The following ATAD5 variants were observed in gnomAD, a reference collection of about 807,000 sequenced individuals.
ATAD5 encodes ATPase family AAA domain-containing protein 5.
Under a neutral mutation model 176.9 loss-of-function variants are expected in ATAD5, and 58 were observed. The ratio of observed to expected loss-of-function variants is 0.33; its 90% CI spans 0.27 to 0.41. The LOEUF (loss-of-function observed/expected upper bound fraction) is 0.41, where lower values mean the gene tolerates loss of function less well. ATAD5 is among the 10% of genes least tolerant of loss of function. The pLI is 1.00. For missense variants in ATAD5, 1,789 were observed against 2,094.1 expected (o/e 0.85, Z 2.84); for synonymous variants, 640 against 712.6 (o/e 0.90, Z 1.62).
At position 30,855,288 on chromosome 17, in the gene ATAD5, A is replaced by T. The variant is rs750811604; in HGVS notation, c.2596A>T (p.Ser866Cys). 3.1e-6 allele frequency: 5 copies of T among 1,607,402 alleles called. No individual in the cohort carries two copies. The East Asian group carries it at 1.1e-4, about 36-fold the overall frequency. Residue 866 changes from serine to cysteine, a missense_variant, in exon 7 of 23, where the codon AGT becomes TGT. Ser to Cys is a moderately radical substitution (Grantham distance 112, BLOSUM62 -1). Transcript: ENST00000321990. The part of the protein sequence containing the change: ...ALDVYNAVST[S>C]FQRVVHVQQK... ...GGATGTGTACAATGCAGTGAGTACC[A>T]GTTTCCAGAGAGTCGTACATGTGCA...
rs1452590602 is a variant in ATAD5 at position 30,877,865 on chromosome 17, CAT to C, written c.3919-136_3919-135del. ...TTTTAAAATTCATTATAGTGTATGA[CAT>C]AAACTTTCAACATGAGCTGAATTCA... is the stretch of plus-strand genomic sequence containing the variant. On this transcript the variant is annotated intron_variant, in intron 16 of 22. Coordinates refer to ENST00000321990, the MANE Select transcript of ATAD5 (RefSeq NM_024857.5). 8 of 670,266 alleles carry C rather than the reference CAT, an allele frequency of 1.2e-5. 1 individual carries two copies. Among genetic ancestry groups the C allele is most frequent in the African/African-American group, 5.6e-5 (3 of 53,744 alleles). 41.5% of individuals were successfully genotyped at this position (670,266 alleles called of 1,614,324 possible). A position where few individuals can be genotyped will look rare whatever the true frequency, so the allele number is the denominator to read the frequency against.
chr17:30,855,063 A>C (rs1907211411), intron 6 of ATAD5, 80 bp from the exon 7 acceptor site: 1 of 1,339,938 alleles, frequency 7.5e-7, no homozygotes, highest in Non-Finnish European at 1.0e-6. Flanking sequence ...CCAGCCCTAA[A>C]AATGTTTATT....
At chr17:30,852,668 C>T (rs1252761953) in intron 6 of ATAD5, among the ~76,000 whole-genome samples, 3 of 152,082 alleles carry the variant, frequency 2.0e-5, no homozygotes, top group African/African-American at 7.2e-5. Flanking sequence ...ATCTTCAACT[C>T]ATGGCAGAAG....
chr17:30,834,045 C>CT, intron 1 of ATAD5, 103 bp from the exon 2 acceptor site: 1 of 1,037,284 alleles, frequency 9.6e-7, no homozygotes. Flanking sequence ...AGGAGGCTTC[C>CT]TTTTTTTAAT....
chr17:30,852,334 G>A (rs1907018734), intron 6 of ATAD5, among the ~76,000 whole-genome samples: 1 of 152,124 alleles, frequency 6.6e-6, no homozygotes, highest in Non-Finnish European at 1.5e-5. Context: ...GGAACAGGAA[G>A]ATATTCTAGG....
At chr17:30,833,097 AAG>A (rs1905481437) in intron 1 of ATAD5, among the ~76,000 whole-genome samples, 1 of 152,230 alleles carries the variant, frequency 6.6e-6, no homozygotes, top group Non-Finnish European at 1.5e-5. Flanking sequence ...GGCGTCCTTG[AAG>A]AGAGTTAAGA....
chr17:30,855,363 C>T, intron 7 of ATAD5, 36 bp downstream of exon 7: 2 of 1,516,266 alleles, frequency 1.3e-6, no homozygotes, highest in East Asian at 2.3e-5. Context: ...ATTTACTCTT[C>T]AGCTGTTAGC....
At chr17:30,849,991 A>G (rs1906769087) in intron 6 of ATAD5, among the ~76,000 whole-genome samples, 1 of 151,964 alleles carries the variant, frequency 6.6e-6, no homozygotes, top group Non-Finnish European at 1.5e-5. Context: ...AAAGTAAACA[A>G]CTAGCCAGGC....
chr17:30,846,599 C>T (rs1906519992), intron 6 of ATAD5, among the ~76,000 whole-genome samples: 2 of 151,820 alleles, frequency 1.3e-5, no homozygotes, highest in African/African-American at 2.4e-5. Flanking sequence ...GATGGGGTTT[C>T]ACCATGTTGG....
intron 19 of ATAD5, among the ~76,000 whole-genome samples, chr17:30,891,346 T>C (rs1409096640): frequency 1.2e-4 from 18 of 152,138 alleles, no homozygotes; most frequent in Non-Finnish European, 2.6e-4. Context: ...AGTGGTGAAA[T>C]TGCATATCTT....
rs1007283394 is a variant in ATAD5 at position 30,874,233 on chromosome 17, A to G, written c.3608-2141A>G. 4.0e-5 allele frequency among the ~76,000 whole-genome samples: 6 copies of G among 151,426 alleles called. 1 individual carries two copies. The Middle Eastern group carries it at 0.01, about 261-fold the overall frequency. ...TACATGATCAAGCAGTCCTTGGTCT[A>G]TATCAAAATAAGAAAAATAAGGACA... is the stretch of plus-strand genomic sequence containing the variant. On this transcript the variant is annotated intron_variant, in intron 14 of 22. Coordinates refer to ENST00000321990, the MANE Select transcript of ATAD5 (RefSeq NM_024857.5).
At chr17:30,881,732 G>A (rs928999944) in intron 18 of ATAD5, among the ~76,000 whole-genome samples, 1 of 151,442 alleles carries the variant, frequency 6.6e-6, no homozygotes, top group Non-Finnish European at 1.5e-5. Flanking sequence ...GGGAAATGTG[G>A]TGAAACCCTG....
chr17:30,840,216 AAAAC>A (rs1906022096), intron 3 of ATAD5, among the ~76,000 whole-genome samples: 1 of 146,578 alleles, frequency 6.8e-6, no homozygotes, highest in African/African-American at 2.5e-5. Flanking sequence ...AAAAAAAAAA[AAAAC>A]AACCTTGAGG....
At chr17:30,840,195 TA>T (rs55696194) in intron 3 of ATAD5, among the ~76,000 whole-genome samples, 39,964 of 106,142 alleles carry the variant, frequency 0.38, 6,414 homozygotes, top group Middle Eastern at 0.39. Context: ...TAGACTCTGT[TA>T]AAAAAAAAAA....
chr17:30,883,969 C>T (rs1456104348), intron 18 of ATAD5, among the ~76,000 whole-genome samples: 7 of 152,098 alleles, frequency 4.6e-5, no homozygotes, highest in African/African-American at 7.2e-5. Flanking sequence ...GTAAAGAACA[C>T]GTAACAGTGT....
chr17:30,845,788 G>A (rs1906460128), intron 6 of ATAD5, among the ~76,000 whole-genome samples: 1 of 152,008 alleles, frequency 6.6e-6, no homozygotes, highest in Non-Finnish European at 1.5e-5. Flanking sequence ...GTGAGATGAT[G>A]GAGGTAAGGA....
In ATAD5 at chr17:30,895,188, CA is replaced by C. The variant is rs1909845520; in HGVS notation, c.*276del. 1.6e-5 allele frequency: 4 copies of C among 247,554 alleles called. No homozygotes were observed. The highest frequency in any genetic ancestry group is 3.1e-5 in the Non-Finnish European group (4 of 130,656). 15.3% of individuals were successfully genotyped at this position (247,554 alleles called of 1,614,324 possible). ...TGAACTGTTTCTGGAAGGTAGAGTT[CA>C]TTAAGATGAACTCCCTATTTCAAGT... On this transcript the variant is annotated 3_prime_UTR_variant, in exon 23 of 23. Coordinates refer to ENST00000321990, the MANE Select transcript of ATAD5 (RefSeq NM_024857.5).
chr17:30,875,699 G>A (rs2142413410), intron 14 of ATAD5, among the ~76,000 whole-genome samples: 1 of 150,828 alleles, frequency 6.6e-6, no homozygotes, highest in South Asian at 2.1e-4. Context: ...TGGGGGGCTG[G>A]GCAGGAGGAT....
intron 16 of ATAD5, 110 bp from the exon 17 acceptor site, chr17:30,877,893 C>G: frequency 1.3e-6 from 1 of 761,532 alleles, no homozygotes; most frequent in Non-Finnish European, 2.1e-6. Context: ...GCTGAATTCA[C>G]ACTTCATAAA....
Sources: gnomAD v4.1 joint callset for allele counts (sites outside exome capture counted in the v4.1 genomes callset) on GRCh38, gnomAD v4.1.1 for gene constraint, MANE v1.5 for transcripts, NCBI Gene and HGNC (gene_info 2026-07-23, HGNC 2026-07-21) for gene names.